MACROD2: variants seen among roughly 807,000 people sequenced by gnomAD.
The protein encoded by MACROD2 is mono-ADP ribosylhydrolase 2, also known as ADP-ribose glycohydrolase MACROD2.
In MACROD2, 36 loss-of-function variants were observed where a neutral mutation model predicts 70.4. That is an observed-to-expected ratio of 0.51 (90% CI 0.39 to 0.68). MACROD2 has a LOEUF of 0.68. MACROD2 is among the 30% of genes least tolerant of loss of function. The pLI is 0.00. For synonymous variants in MACROD2, 172 were observed against 178.8 expected, an observed-to-expected ratio of 0.96 and a Z score of 0.30; for missense variants, 496 against 538.4, an observed-to-expected ratio of 0.92 and a Z score of 0.78.
At position 16,035,130 on chromosome 20, in the gene MACROD2, TATATATTATATATTATA is replaced by T. The variant is rs2067211230; in HGVS notation, c.1154-6070_1154-6054del. The stretch of plus-strand genomic sequence containing the variant: ...ATATATAAAATATAATATAAAATAT[TATATATTATATATTATA>T]TATAAAATATAATATAAAATATAAA... On this transcript the variant is annotated intron_variant, in intron 15 of 17. Coordinates refer to ENST00000684519, the MANE Select transcript of MACROD2 (RefSeq NM_001351661.2). 8.2e-4 allele frequency among the ~76,000 whole-genome samples: 2 copies of T among 2,428 alleles called. 1 individual carries two copies. Among genetic ancestry groups the T allele is most frequent in the Non-Finnish European group, 6.2e-3 (2 of 324 alleles). 1.6% of individuals were successfully genotyped at this position (2,428 alleles called of 152,430 possible). A position where few individuals can be genotyped will look rare whatever the true frequency, so the allele number is the denominator to read the frequency against.
At chr20:14,264,559 G>A (rs1442256191) in intron 3 of MACROD2, among the ~76,000 whole-genome samples, 1 of 152,162 alleles carries the variant, frequency 6.6e-6, no homozygotes, top group Non-Finnish European at 1.5e-5. Context: ...GAAAAGACAA[G>A]GATGATAACA....
intron 6 of MACROD2, among the ~76,000 whole-genome samples, chr20:15,407,562 G>A (rs1279972242): frequency 5.3e-5 from 8 of 152,132 alleles, no homozygotes; most frequent in African/African-American, 1.7e-4. Flanking sequence ...CTAGAGGTGG[G>A]TAGAGAGGCA....
intron 6 of MACROD2, among the ~76,000 whole-genome samples, chr20:15,270,023 T>C (rs1243480692): frequency 6.6e-6 from 1 of 152,154 alleles, no homozygotes; most frequent in African/African-American, 2.4e-5. Context: ...AAATTTCTAA[T>C]GGTTGGCCAC....
intron 2 of MACROD2, among the ~76,000 whole-genome samples, chr20:14,043,195 C>G (rs1341841199): frequency 2.0e-5 from 3 of 152,180 alleles, no homozygotes; most frequent in Admixed American, 1.3e-4. Context: ...GCTGGGATTA[C>G]AGGTGAGAGC....
At chr20:14,177,170 A>C (rs1388017347) in intron 3 of MACROD2, among the ~76,000 whole-genome samples, 1 of 152,208 alleles carries the variant, frequency 6.6e-6, no homozygotes, top group Non-Finnish European at 1.5e-5. Flanking sequence ...ATTAGATCCT[A>C]TATTTGTTGA....
chr20:14,499,234 A>C (rs1325214739), intron 4 of MACROD2, among the ~76,000 whole-genome samples: 1 of 152,124 alleles, frequency 6.6e-6, no homozygotes, highest in Admixed American at 6.5e-5. Context: ...ATAGGGTTTA[A>C]ATCTTAACTG....
chr20:15,463,999 A>G (rs2046852710), intron 7 of MACROD2, among the ~76,000 whole-genome samples: 1 of 152,166 alleles, frequency 6.6e-6, no homozygotes, highest in African/African-American at 2.4e-5. Flanking sequence ...TGCACCCATC[A>G]GTTGATACTC....
intron 8 of MACROD2, among the ~76,000 whole-genome samples, chr20:15,796,311 C>T (rs1010462838): frequency 6.6e-6 from 1 of 152,204 alleles, no homozygotes; most frequent in African/African-American, 2.4e-5. Flanking sequence ...CAGATGGACA[C>T]ATTTTGAGGC....
intron 5 of MACROD2, among the ~76,000 whole-genome samples, chr20:14,849,546 C>A (rs117930954): frequency 0.044 from 6,754 of 151,988 alleles, 268 homozygotes; most frequent in Non-Finnish European, 0.059. Flanking sequence ...TTTGGGAGGC[C>A]GAGACAGGTG....
At chr20:15,949,070 T>C (rs2065869132) in intron 12 of MACROD2, among the ~76,000 whole-genome samples, 1 of 152,200 alleles carries the variant, frequency 6.6e-6, no homozygotes, top group Admixed American at 6.6e-5. Flanking sequence ...AGCCATGAAG[T>C]CTTTATGAGT....
At chr20:14,271,594 C>T (rs1207614906) in intron 3 of MACROD2, among the ~76,000 whole-genome samples, 2 of 152,180 alleles carry the variant, frequency 1.3e-5, no homozygotes, top group Non-Finnish European at 2.9e-5. Flanking sequence ...CGCCTTTCCT[C>T]CTCCAAAGGA....
intron 5 of MACROD2, among the ~76,000 whole-genome samples, chr20:14,709,647 A>T (rs2071314155): frequency 6.6e-6 from 1 of 152,230 alleles, no homozygotes; most frequent in African/African-American, 2.4e-5. Context: ...ACCTTTGGAT[A>T]CTAAACTAGC....
intron 8 of MACROD2, among the ~76,000 whole-genome samples, chr20:15,514,934 A>G (rs2047546806): frequency 6.6e-6 from 1 of 152,208 alleles, no homozygotes; most frequent in Non-Finnish European, 1.5e-5. Context: ...TCTCCTTTCA[A>G]TGCTTATGAA....
At chr20:15,254,169 G>C (rs887085283) in intron 6 of MACROD2, among the ~76,000 whole-genome samples, 5 of 152,136 alleles carry the variant, frequency 3.3e-5, no homozygotes, top group African/African-American at 9.7e-5. Context: ...TTCCATTTAT[G>C]CCATTTATCT....
intron 2 of MACROD2, among the ~76,000 whole-genome samples, chr20:14,031,877 G>T (rs1461796040): frequency 6.6e-6 from 1 of 152,052 alleles, no homozygotes; most frequent in African/African-American, 2.4e-5. Context: ...AAATAGAAGA[G>T]AGTTTATATG....
chr20:15,469,704 A>G (rs1229417529), intron 7 of MACROD2, among the ~76,000 whole-genome samples: 1 of 152,210 alleles, frequency 6.6e-6, no homozygotes. Flanking sequence ...CCAGAAGACA[A>G]CAGGATACAT....
intron 6 of MACROD2, among the ~76,000 whole-genome samples, chr20:15,302,228 G>T (rs2077651864): frequency 6.6e-6 from 1 of 152,102 alleles, no homozygotes; most frequent in Admixed American, 6.6e-5. Context: ...CTTTCTGAAG[G>T]TCATTCCTTT....
chr20:14,059,788 G>A (rs1054571748), intron 2 of MACROD2, among the ~76,000 whole-genome samples: 4 of 152,142 alleles, frequency 2.6e-5, no homozygotes, highest in Non-Finnish European at 5.9e-5. Flanking sequence ...AAATAGATGA[G>A]CAAATAATTT....
intron 4 of MACROD2, among the ~76,000 whole-genome samples, chr20:14,512,968 C>T (rs568065628): frequency 6.6e-5 from 10 of 152,192 alleles, no homozygotes; most frequent in African/African-American, 2.4e-4. Context: ...CCCAGGGAGA[C>T]TTCATAGGCT....
Sources: allele counts gnomAD v4.1 joint callset (sites outside exome capture counted in the v4.1 genomes callset), GRCh38; gene constraint gnomAD v4.1.1; transcripts MANE v1.5; gene names NCBI Gene and HGNC (gene_info 2026-07-23, HGNC 2026-07-21).